SLX4: variants seen among roughly 807,000 people sequenced by gnomAD.
SLX4 encodes structure-specific endonuclease subunit SLX4.
In SLX4, 112 loss-of-function variants were observed where a neutral mutation model predicts 146.2. The observed-to-expected ratio is 0.77, with a 90% CI of 0.66 to 0.90. SLX4 has a LOEUF of 0.90. Ranked by LOEUF, SLX4 falls within the 40% of genes least tolerant of loss-of-function variation. The probability of loss-of-function intolerance (pLI) is 0.00; values close to 1 mark genes in which losing one functional copy is unlikely to be tolerated. For synonymous variants in SLX4, 1,061 were observed against 997.7 expected (o/e 1.06, Z -1.20); for missense variants, 2,563 against 2,392.7 (o/e 1.07, Z -1.49).
chr16:3,592,009 T>C (rs1481647468), intron 11 of SLX4, among the ~76,000 whole-genome samples: 1 of 152,130 alleles, frequency 6.6e-6, no homozygotes, highest in African/African-American at 2.4e-5. Context: ...AAAAAATAAA[T>C]GAAAAGACAT....
At chr16:3,600,534 A>C (rs2040713933) in intron 5 of SLX4, 1 of 209,346 alleles carries the variant, frequency 4.8e-6, no homozygotes, top group East Asian at 1.4e-4. Flanking sequence ...TTTCCGCCCT[A>C]AGTGTTTCAT....
In SLX4 at chr16:3,592,980, G is replaced by A. The variant is rs200081414; in HGVS notation, c.2161-115C>T. 3.6e-6 allele frequency: 4 copies of A among 1,100,608 alleles called. No individual in the cohort carries two copies. In the East Asian group the frequency reaches 1.0e-4, roughly 28 times the overall value. The allele number at this position is 1,100,608 out of a possible 1,614,324, so 68.2% of individuals were successfully genotyped here. A position where few individuals can be genotyped will look rare whatever the true frequency, so the allele number is the denominator to read the frequency against. ...TAGTCTTTTTATTTTTCTTTTTAGA[G>A]ACAGTGTCTCCCCTTGTCACCCAGG... On this transcript the variant is annotated intron_variant, in intron 10 of 14. Transcript: ENST00000294008.
At position 3,601,093 on chromosome 16, in the gene SLX4, G is replaced by T. The variant is rs1325554172; in HGVS notation, c.1049C>A (p.Thr350Asn). Reference sequence around the variant, plus strand: ...CACAGCACACTGCTTCAAGTGACTGGTTCTGCTCTTTAAGGTAAGAAACGG... The same window carrying T: ...CACAGCACACTGCTTCAAGTGACTGTTTCTGCTCTTTAAGGTAAGAAACGG... Reference protein sequence around the residue: ...GKPFLTLKSRTSHLKQCAVKM... With the variant: ...GKPFLTLKSRNSHLKQCAVKM... The change falls in exon 5 of 15, where the codon ACC becomes AAC. Residue 350 changes from threonine to asparagine, a missense_variant. Thr to Asn is a moderately conservative substitution (Grantham distance 65, BLOSUM62 0). Coordinates refer to ENST00000294008, the MANE Select transcript of SLX4 (RefSeq NM_032444.4). The T allele has an allele frequency of 1.2e-6, 2 of 1,614,042 alleles. No homozygotes were observed. Among genetic ancestry groups the T allele is most frequent in the Non-Finnish European group, 1.7e-6 (2 of 1,180,032 alleles).
In SLX4 at chr16:3,589,831, A is replaced by G. The variant is rs367741978; in HGVS notation, c.3807T>C (p.Cys1269=). 44 of 1,613,310 alleles carry G rather than the reference A, an allele frequency of 2.7e-5. No individual in the cohort carries two copies. The highest frequency in any genetic ancestry group is 3.6e-5 in the Non-Finnish European group (43 of 1,180,016). ...ATPLASRSRD[C]SSQTQISSLR... ...GGCTGCTGATTTGGGTCTGGGAAGA[A>G]CAGTCACGGCTTCTGCTGGCCAGCG... Residue 1269 remains cysteine (C), a synonymous_variant, in exon 12 of 15, where the codon TGT becomes TGC. Coordinates refer to ENST00000294008, the MANE Select transcript of SLX4 (RefSeq NM_032444.4). The surrounding 1 kb of genome is among the most constrained non-coding windows in gnomAD (Gnocchi z 6.2).
At chr16:3,585,076 C>T (rs946398267) in intron 12 of SLX4, among the ~76,000 whole-genome samples, 1 of 152,158 alleles carries the variant, frequency 6.6e-6, no homozygotes, top group African/African-American at 2.4e-5. Context: ...CTGAGGACCA[C>T]ACCTTGTATA....
rs745380963 is a variant in SLX4 at position 3,590,810 on chromosome 16, G to A, written c.2828C>T (p.Ala943Val). Residue 943 changes from alanine to valine, a missense_variant, in exon 12 of 15, where the codon GCC becomes GTC. Coordinates refer to ENST00000294008, the MANE Select transcript of SLX4 (RefSeq NM_032444.4). The surrounding 1 kb of genome is among the most constrained non-coding windows in gnomAD (Gnocchi z 4.8). ...CTCCTCTGGCGCCTCCTGCTCAGGG[G>A]CCTCTGCTCCCCGTGCCCCTGAGTG... is the stretch of plus-strand genomic sequence containing the variant. ...GQHSGARGAE[A>V]PEQEAPEEAL... is the part of the protein sequence containing the mutation. 1 of 1,614,048 alleles carries A rather than the reference G, an allele frequency of 6.2e-7. No homozygotes were observed. Among genetic ancestry groups the A allele is most frequent in the Non-Finnish European group, 8.5e-7 (1 of 1,179,998 alleles).
chr16:3,596,013 C>T (rs1024428252), intron 8 of SLX4, 140 bp downstream of exon 8: 11 of 1,298,520 alleles, frequency 8.5e-6, no homozygotes, highest in African/African-American at 1.5e-5. Flanking sequence ...AAAATGAAAG[C>T]GCCCAGAGGC....
intron 3 of SLX4, among the ~76,000 whole-genome samples, chr16:3,605,122 C>A (rs1440874183): frequency 1.3e-5 from 2 of 151,572 alleles, no homozygotes; most frequent in Non-Finnish European, 2.9e-5. Flanking sequence ...CAGAGTCTTG[C>A]TCTGTTGCCC....
At chr16:3,595,529 G>C in intron 9 of SLX4, 76 bp downstream of exon 9, 1 of 1,540,616 alleles carries the variant, frequency 6.5e-7, no homozygotes, top group Non-Finnish European at 8.9e-7. Flanking sequence ...AGAGGCCAGC[G>C]GTGAGCCAAC....
At position 3,589,854 on chromosome 16, in the gene SLX4, G is replaced by A. The variant is rs991818380; in HGVS notation, c.3784C>T (p.Leu1262=). 6.8e-6 allele frequency: 11 copies of A among 1,612,960 alleles called. No homozygotes were observed. The African/African-American group carries it at 1.2e-4, about 18-fold the overall frequency. Residue 1262 remains leucine (L), a synonymous_variant, in exon 12 of 15, where the codon CTG becomes TTG. Coordinates refer to ENST00000294008, the MANE Select transcript of SLX4 (RefSeq NM_032444.4). This position sits in a 1 kb window ranked among gnomAD's most constrained non-coding sequence, Gnocchi z 6.2. ...GAACAGTCACGGCTTCTGCTGGCCA[G>A]CGGGGTGGCGGGCACCAGCCACGAG... ...DTSWLVPATP[L]ASRSRDCSSQ...
At chr16:3,608,288 A>G (rs1241141512) in intron 2 of SLX4, 142 bp downstream of exon 2, 2 of 877,348 alleles carry the variant, frequency 2.3e-6, no homozygotes, top group Admixed American at 3.9e-5. Flanking sequence ...TCATTTACAT[A>G]TTGTCCACGC....
rs1174853638 is a variant in SLX4 at position 3,597,387 on chromosome 16, G to T, written c.1675C>A (p.Pro559Thr). Residue 559 changes from proline (P) to threonine (T), a missense_variant, in exon 7 of 15, where the codon CCT becomes ACT. Coordinates refer to ENST00000294008, the MANE Select transcript of SLX4 (RefSeq NM_032444.4). This position sits in a 1 kb window ranked among gnomAD's most constrained non-coding sequence, Gnocchi z 4.4. ...TGAGGGGAGGGACTCACCTGGGCAG[G>T]CCGCTGGGGCACGAGAGGAGGGACC... ...RLVPPLVPQRPAQGLMQEPVP... is the reference protein window; with the variant it reads ...RLVPPLVPQRTAQGLMQEPVP... 6.4e-7 allele frequency: 1 copy of T among 1,572,128 alleles called. No individual in the cohort carries two copies. The highest frequency in any genetic ancestry group is 8.6e-7 in the Non-Finnish European group (1 of 1,158,090).
At chr16:3,594,625 G>A (rs370280584) in intron 9 of SLX4, 26 bp from the exon 10 acceptor site, 52 of 1,613,538 alleles carry the variant, frequency 3.2e-5, no homozygotes, top group South Asian at 1.8e-4. Flanking sequence ...AGGAAGAGCC[G>A]TCACCTCCCC....
rs2040813512 is a variant in SLX4 at position 3,608,645 on chromosome 16, G to A, written c.320C>T (p.Ala107Val). Residue 107 changes from alanine to valine, a missense_variant, in exon 2 of 15, where the codon GCA becomes GTA. By Grantham distance (64) the Ala-to-Val change is moderately conservative. Transcript: ENST00000294008. ...GCTGCCAGACGGAGGTTTCTTCTCT[G>A]CAGGGCCTTGAAGGGTTTTGGTCTT... The part of the protein sequence containing the change: ...ATKTKTLQGP[A>V]EKKPPSGSQA... 1.2e-6 allele frequency: 2 copies of A among 1,614,174 alleles called. No individual in the cohort carries two copies. Among genetic ancestry groups the A allele is most frequent in the Admixed American group, 1.7e-5 (1 of 60,008 alleles).
At chr16:3,600,563 C>G in intron 5 of SLX4, 1 of 192,946 alleles carries the variant, frequency 5.2e-6, no homozygotes, top group Non-Finnish European at 1.0e-5. Flanking sequence ...TCAAAGAGGG[C>G]TCTTTTTCCC....
chr16:3,589,849 G>T lies in SLX4; in HGVS notation c.3789C>A (p.Ala1263=). 2 of 1,613,438 alleles carry T rather than the reference G, an allele frequency of 1.2e-6. No homozygotes were observed. The highest frequency in any genetic ancestry group is 1.7e-6 in the Non-Finnish European group (2 of 1,180,026). The stretch of plus-strand genomic sequence containing the variant: ...GGGAAGAACAGTCACGGCTTCTGCT[G>T]GCCAGCGGGGTGGCGGGCACCAGCC... ...TSWLVPATPL[A]SRSRDCSSQT... The change falls in exon 12 of 15, where the codon GCC becomes GCA. Residue 1263 remains alanine (A), a synonymous_variant. Coordinates refer to ENST00000294008, the MANE Select transcript of SLX4 (RefSeq NM_032444.4). The surrounding 1 kb of genome is among the most constrained non-coding windows in gnomAD (Gnocchi z 6.2).
chr16:3,582,415 G>T lies in SLX4; in HGVS notation c.5432C>A (p.Ala1811Asp). The T allele has an allele frequency of 6.2e-7, 1 of 1,613,886 alleles. No homozygotes were observed. The highest frequency in any genetic ancestry group is 8.5e-7 in the Non-Finnish European group (1 of 1,180,032). Residue 1811 changes from alanine (A) to aspartate (D), a missense_variant, in exon 15 of 15, where the codon GCC becomes GAC. Ala to Asp is a moderately radical substitution (Grantham distance 126). Coordinates refer to ENST00000294008, the MANE Select transcript of SLX4 (RefSeq NM_032444.4). The part of the protein sequence containing the change: ...LDTHCITFTT[A>D]ATRREKLQGR... Reference sequence around the variant, plus strand: ...CTGGAGCTTCTCCCTGCGGGTGGCGGCAGTGGTGAAGGTGATACAGTGGGT... The same window carrying T: ...CTGGAGCTTCTCCCTGCGGGTGGCGTCAGTGGTGAAGGTGATACAGTGGGT...
Position 3,602,199 on chromosome 16 carries a change from T to G in SLX4, c.869A>C (p.Glu290Ala). 1 of 1,614,114 alleles carries G rather than the reference T, an allele frequency of 6.2e-7. No homozygotes were observed. The highest frequency in any genetic ancestry group is 2.2e-5 in the East Asian group (1 of 44,882). ...AATCTGGCAGAAGAACAAACCCTTTTCCTCCAGGCTATCATCATGTGCCGA... is the reference window on the plus strand; with the variant it reads ...AATCTGGCAGAAGAACAAACCCTTTGCCTCCAGGCTATCATCATGTGCCGA... ...GASAHDDSLE[E>A]KGLFFCQICQ... Residue 290 changes from glutamate to alanine, a missense_variant, in exon 4 of 15, where the codon GAA becomes GCA. Glu to Ala is a moderately radical substitution (Grantham distance 107, BLOSUM62 -1). Coordinates refer to ENST00000294008, the MANE Select transcript of SLX4 (RefSeq NM_032444.4).
intron 4 of SLX4, 105 bp from the exon 5 acceptor site, chr16:3,601,296 C>T: frequency 8.4e-7 from 1 of 1,185,870 alleles, no homozygotes; most frequent in Non-Finnish European, 1.2e-6. Context: ...AAAGCAAGTT[C>T]CCCAAAGCCA....
Sources: allele counts gnomAD v4.1 joint callset (sites outside exome capture counted in the v4.1 genomes callset), GRCh38; gene constraint gnomAD v4.1.1; non-coding constraint Gnocchi (gnomAD v3.1); transcripts MANE v1.5; gene names NCBI Gene and HGNC (gene_info 2026-07-23, HGNC 2026-07-21).